The following NAALAD2 variants were observed in gnomAD, a reference collection of about 807,000 sequenced individuals.
The protein encoded by NAALAD2 is N-acetylated alpha-linked acidic dipeptidase 2.
NAALAD2 carries 89 observed loss-of-function variants against 95.6 expected under a neutral mutation model. That is an observed-to-expected ratio of 0.93 (90% CI 0.78 to 1.11). NAALAD2 has a LOEUF of 1.11. Ranked by LOEUF, NAALAD2 falls within the 50% of genes least tolerant of loss-of-function variation. NAALAD2 has a pLI of 0.00. For missense variants in NAALAD2, 894 were observed against 872.4 expected, an observed-to-expected ratio of 1.02 and a Z score of -0.31; for synonymous variants, 264 against 294.4, an observed-to-expected ratio of 0.90 and a Z score of 1.06.
intron 6 of NAALAD2, among the ~76,000 whole-genome samples, chr11:90,156,204 T>C (rs539046268): frequency 6.6e-6 from 1 of 152,056 alleles, no homozygotes; most frequent in Non-Finnish European, 1.5e-5. Context: ...TGATTATCTT[T>C]ACTATTATTT....
At chr11:90,138,292 G>A (rs1209504260) in intron 2 of NAALAD2, among the ~76,000 whole-genome samples, 1 of 152,126 alleles carries the variant, frequency 6.6e-6, no homozygotes. Context: ...GGAGGAGGAA[G>A]AGGAGGGGTT....
At chr11:90,155,593 TGTA>T (rs1952075502) in intron 6 of NAALAD2, among the ~76,000 whole-genome samples, 1 of 34,946 alleles carries the variant, frequency 2.9e-5, no homozygotes, top group African/African-American at 2.4e-4. Flanking sequence ...GTAATATATA[TGTA>T]ATAATATATA....
chr11:90,175,051 C>A (rs1185120789), intron 14 of NAALAD2, among the ~76,000 whole-genome samples: 31 of 152,250 alleles, frequency 2.0e-4, no homozygotes, highest in African/African-American at 7.5e-4. Context: ...CAAGATATCT[C>A]ACTGCATATA....
At chr11:90,153,509 C>T (rs993679613) in intron 6 of NAALAD2, among the ~76,000 whole-genome samples, 6 of 151,926 alleles carry the variant, frequency 3.9e-5, no homozygotes, top group African/African-American at 1.4e-4. Flanking sequence ...GGTTACAACT[C>T]TTCTATTTTC....
At position 90,152,404 on chromosome 11, in the gene NAALAD2, C is replaced by G; in HGVS notation, c.716C>G (p.Pro239Arg). 6.2e-7 allele frequency: 1 copy of G among 1,613,876 alleles called. No individual in the cohort carries two copies. The highest frequency in any genetic ancestry group is 1.3e-5 in the African/African-American group (1 of 75,026). Residue 239 changes from proline (P) to arginine (R), a missense_variant, in exon 6 of 19, where the codon CCT (proline) becomes CGT (arginine). Physicochemically the swap from Pro to Arg is moderately radical, Grantham distance 103 (BLOSUM62 -2). Coordinates refer to ENST00000534061, the MANE Select transcript of NAALAD2 (RefSeq NM_005467.4). Reference protein sequence around the residue: ...VQPYPKGWNLPGTAAQRGNVL... With the variant: ...VQPYPKGWNLRGTAAQRGNVL... The stretch of plus-strand genomic sequence containing the variant: ...CCATATCCCAAAGGATGGAATCTTC[C>G]TGGAACTGCAGCCCAGAGAGGAAAT...
chr11:90,158,115 G>A (rs1355453814), intron 6 of NAALAD2, 30 bp from the exon 7 acceptor site: 6 of 1,470,614 alleles, frequency 4.1e-6, no homozygotes, highest in Non-Finnish European at 5.7e-6. Flanking sequence ...TTTTTAAATT[G>A]TTTTCATTTT....
rs781174073 is a variant in NAALAD2, at chr11:90,150,562, G to A, written c.564G>A (p.Gly188=). 6.2e-7 allele frequency: 1 copy of A among 1,607,378 alleles called. No individual in the cohort carries two copies. Among genetic ancestry groups the A allele is most frequent in the Non-Finnish European group, 8.5e-7 (1 of 1,174,978 alleles). ...LEREMGINCT[G]KIVIARYGKI... ...GAGAGATGGGCATCAACTGTACTGG[G>A]AAGATTGTTATTGCAAGATATGGAA... Residue 188 remains glycine, a synonymous_variant, in exon 5 of 19, where the codon GGG becomes GGA. Coordinates refer to ENST00000534061, the MANE Select transcript of NAALAD2 (RefSeq NM_005467.4).
rs779598820 is a variant in NAALAD2, at chr11:90,163,359, T to C, written c.1125T>C (p.Ala375=). 1 of 1,614,078 alleles carries C rather than the reference T, an allele frequency of 6.2e-7. No individual in the cohort carries two copies. Among genetic ancestry groups the C allele is most frequent in the Admixed American group, 1.7e-5 (1 of 60,024 alleles). The change falls in exon 10 of 19, where the codon GCT becomes GCC. Residue 375 remains alanine (A), a synonymous_variant. Coordinates refer to ENST00000534061, the MANE Select transcript of NAALAD2 (RefSeq NM_005467.4). ...ACCGGGACTCCTGGGTATTTGGAGCTATTGACCCAACCAGTGGGGTTGCTG... is the reference window on the plus strand; with the variant it reads ...ACCGGGACTCCTGGGTATTTGGAGCCATTGACCCAACCAGTGGGGTTGCTG... ...GGHRDSWVFG[A]IDPTSGVAVL...
intron 13 of NAALAD2, 90 bp downstream of exon 13, chr11:90,170,226 T>A: frequency 1.2e-6 from 1 of 842,722 alleles, no homozygotes; most frequent in Non-Finnish European, 2.0e-6. Flanking sequence ...TACTTATTTT[T>A]AAGCTGGTGA....
In NAALAD2 at chr11:90,134,683, A is replaced by C; in HGVS notation, c.-76A>C. The C allele has an allele frequency of 2.8e-6, 4 of 1,452,516 alleles. No individual in the cohort carries two copies. In the Admixed American group the frequency reaches 6.8e-5, roughly 25 times the overall value. The allele number at this position is 1,452,516 out of a possible 1,614,324, so 90.0% of individuals were successfully genotyped here. On this transcript the variant is annotated 5_prime_UTR_variant, in exon 1 of 19. Coordinates refer to ENST00000534061, the MANE Select transcript of NAALAD2 (RefSeq NM_005467.4). ...CACCCAGAGCTCACAGCCTCCTGCC[A>C]GCGCGCTCTCTGTTTCTCTGCAGCC...
chr11:90,158,045 CA>C, intron 6 of NAALAD2, 99 bp from the exon 7 acceptor site: 1 of 901,106 alleles, frequency 1.1e-6, no homozygotes, highest in Non-Finnish European at 1.8e-6. Flanking sequence ...GGCATAATTG[CA>C]AATGTATAGC....
upstream of NAALAD2, chr11:90,131,878 T>G (rs1174745145): frequency 6.6e-6 from 1 of 152,186 alleles, no homozygotes; most frequent in East Asian, 1.9e-4. Flanking sequence ...GTCAAATAGC[T>G]TCATTGAGAG....
chr11:90,176,800 T>C (rs76109597), intron 15 of NAALAD2, among the ~76,000 whole-genome samples: 1,951 of 152,296 alleles, frequency 0.013, 51 homozygotes, highest in African/African-American at 0.045. Flanking sequence ...TGTATATCAC[T>C]TGCAAATTTG....
At chr11:90,141,933 T>G (rs1323712921) in intron 2 of NAALAD2, among the ~76,000 whole-genome samples, 6 of 152,216 alleles carry the variant, frequency 3.9e-5, no homozygotes, top group Admixed American at 2.0e-4. Context: ...GACTGGAAAC[T>G]CCATTACTCT....
chr11:90,183,086 T>A (rs1363647303), intron 18 of NAALAD2, 78 bp downstream of exon 18: 1 of 1,002,192 alleles, frequency 1.0e-6, no homozygotes. Context: ...ACTAATGCCA[T>A]TAGATGGGTG....
At chr11:90,159,433 C>CT in intron 8 of NAALAD2, 96 bp downstream of exon 8, 1 of 830,224 alleles carries the variant, frequency 1.2e-6, no homozygotes, top group Non-Finnish European at 1.9e-6. Context: ...TTGCTTATCT[C>CT]TTTTTCTCTT....
chr11:90,156,084 C>T (rs1952111865), intron 6 of NAALAD2, among the ~76,000 whole-genome samples: 1 of 151,624 alleles, frequency 6.6e-6, no homozygotes, highest in African/African-American at 2.4e-5. Flanking sequence ...GTGATATTCT[C>T]TCCTTTATTC....
intron 6 of NAALAD2, among the ~76,000 whole-genome samples, chr11:90,155,745 A>G (rs1399350295): frequency 8.1e-6 from 1 of 123,826 alleles, no homozygotes; most frequent in Non-Finnish European, 1.6e-5. Context: ...ATATGTATGT[A>G]TTATTACATA....
intron 2 of NAALAD2, 117 bp from the exon 3 acceptor site, chr11:90,147,213 G>T: frequency 1.2e-6 from 1 of 806,350 alleles, no homozygotes; most frequent in South Asian, 2.0e-5. Flanking sequence ...TCTTTTATCT[G>T]TCATATAGGA....
Sources: allele counts gnomAD v4.1 joint callset (sites outside exome capture counted in the v4.1 genomes callset), GRCh38; gene constraint gnomAD v4.1.1; transcripts MANE v1.5; gene names NCBI Gene and HGNC (gene_info 2026-07-23, HGNC 2026-07-21).